The following FGF14 variants were observed in gnomAD, a reference collection of about 807,000 sequenced individuals.
FGF14 encodes fibroblast growth factor homologous factor 4.
A neutral mutation model predicts 25.5 loss-of-function variants in FGF14; 5 were observed. The ratio of observed to expected loss-of-function variants is 0.20; its 90% confidence interval spans 0.10 to 0.41. FGF14 has a LOEUF of 0.41. Among genes scored for constraint, FGF14 ranks in the 10% least tolerant of loss-of-function variants. The pLI is 1.00. For missense variants in FGF14, 222 were observed against 320.1 expected, an observed-to-expected ratio of 0.69 and a Z score of 2.34; for synonymous variants, 138 against 118.3, an observed-to-expected ratio of 1.17 and a Z score of -1.08.
At chr13:102,310,672 T>TCC (rs2055690634) in intron 1 of FGF14, among the ~76,000 whole-genome samples, 1 of 46,870 alleles carries the variant, frequency 2.1e-5, no homozygotes, top group Non-Finnish European at 4.2e-5. Flanking sequence ...TCTCTCTCTC[T>TCC]CTCTCTCTCT....
chr13:102,165,192 T>C (rs944776204), intron 1 of FGF14, among the ~76,000 whole-genome samples: 4 of 151,944 alleles, frequency 2.6e-5, no homozygotes, highest in South Asian at 2.1e-4. Context: ...TGTGGAGAAA[T>C]AGGAACACTT....
intron 1 of FGF14, among the ~76,000 whole-genome samples, chr13:102,330,159 C>T (rs2056589798): frequency 6.6e-6 from 1 of 152,174 alleles, no homozygotes; most frequent in African/African-American, 2.4e-5. Context: ...CTCCAAATTT[C>T]AGCAGAGCCT....
intron 1 of FGF14, among the ~76,000 whole-genome samples, chr13:102,147,706 T>C (rs2046911415): frequency 6.6e-6 from 1 of 152,128 alleles, no homozygotes; most frequent in Non-Finnish European, 1.5e-5. Context: ...AGGAGGTGGA[T>C]GGTCTGCCTG....
At chr13:102,154,839 A>AAC (rs1436473917) in intron 1 of FGF14, among the ~76,000 whole-genome samples, 4 of 152,062 alleles carry the variant, frequency 2.6e-5, no homozygotes, top group Non-Finnish European at 4.4e-5. Flanking sequence ...GCAAATGGAA[A>AAC]AAAAAAAGGC....
intron 1 of FGF14, among the ~76,000 whole-genome samples, chr13:102,388,334 A>G (rs1053709201): frequency 2.0e-5 from 3 of 152,244 alleles, no homozygotes; most frequent in Admixed American, 6.5e-5. Flanking sequence ...CAAATTGTAT[A>G]GAAAGATGTA....
chr13:101,742,769 T>C (rs1038840281), intron 3 of FGF14, among the ~76,000 whole-genome samples: 1 of 152,050 alleles, frequency 6.6e-6, no homozygotes, highest in Non-Finnish European at 1.5e-5. Flanking sequence ...TATTCCTAAA[T>C]AAGATAGTTA....
intron 1 of FGF14, among the ~76,000 whole-genome samples, chr13:102,140,073 TC>T (rs2046584505): frequency 8.1e-6 from 1 of 123,260 alleles, no homozygotes; most frequent in East Asian, 2.8e-4. Context: ...CAGTAAGTCA[TC>T]CGTGTTTGGT....
chr13:101,930,412 A>G (rs1433444877), intron 1 of FGF14, among the ~76,000 whole-genome samples: 2 of 152,214 alleles, frequency 1.3e-5, no homozygotes, highest in Non-Finnish European at 2.9e-5. Flanking sequence ...CATTGTATTT[A>G]TAGCACACTC....
intron 1 of FGF14, among the ~76,000 whole-genome samples, chr13:101,938,580 A>G (rs1363873846): frequency 3.3e-5 from 5 of 152,192 alleles, no homozygotes; most frequent in African/African-American, 1.2e-4. Flanking sequence ...GAAAATTAGT[A>G]TTTATTTTTC....
At chr13:102,039,288 A>T (rs533707485) in intron 1 of FGF14, among the ~76,000 whole-genome samples, 57 of 152,278 alleles carry the variant, frequency 3.7e-4, no homozygotes, top group African/African-American at 1.3e-3. Context: ...ATGGAAAATA[A>T]TTGAGTTTGT....
chr13:102,088,160 C>T (rs1440417147), intron 1 of FGF14, among the ~76,000 whole-genome samples: 3 of 152,140 alleles, frequency 2.0e-5, no homozygotes, highest in African/African-American at 7.2e-5. Flanking sequence ...GTTTCCTGTT[C>T]GGGTTCGTTT....
intron 1 of FGF14, among the ~76,000 whole-genome samples, chr13:102,213,100 C>T (rs2140928351): frequency 6.6e-6 from 1 of 152,300 alleles, no homozygotes; most frequent in East Asian, 1.9e-4. Context: ...CTAAAGCAGC[C>T]TGCTAAGCAG....
chr13:102,205,381 T>G (rs769263251), intron 1 of FGF14, among the ~76,000 whole-genome samples: 5 of 152,278 alleles, frequency 3.3e-5, no homozygotes, highest in Non-Finnish European at 7.4e-5. Flanking sequence ...ATGGTAATTA[T>G]TGCTATTATT....
At position 102,382,762 on chromosome 13, in the gene FGF14, T is replaced by A. The variant is rs377533646; in HGVS notation, c.208+18709A>T. 3.3e-5 allele frequency among the ~76,000 whole-genome samples: 5 copies of A among 152,096 alleles called. No individual in the cohort carries two copies. In the East Asian group the frequency reaches 5.8e-4, roughly 18 times the overall value. On this transcript the variant is annotated intron_variant, in intron 1 of 4. Transcript: ENST00000376131. The stretch of plus-strand genomic sequence containing the variant: ...AGAATGAATTTTAAAAAGGGGTATA[T>A]CCACACAGTGGAATACTATACAATA...
At chr13:101,997,923 G>A (rs2039277239) in intron 1 of FGF14, among the ~76,000 whole-genome samples, 1 of 151,780 alleles carries the variant, frequency 6.6e-6, no homozygotes, top group Non-Finnish European at 1.5e-5. Context: ...TGATGTTATG[G>A]GATACCTATA....
intron 1 of FGF14, among the ~76,000 whole-genome samples, chr13:102,027,486 T>C (rs182499309): frequency 5.4e-4 from 82 of 152,186 alleles, no homozygotes; most frequent in African/African-American, 2.0e-3. Context: ...AAGATAATTC[T>C]AACGATATTT....
At chr13:102,384,516 T>C (rs2058257254) in intron 1 of FGF14, among the ~76,000 whole-genome samples, 1 of 152,210 alleles carries the variant, frequency 6.6e-6, no homozygotes. Context: ...ACCTTGTGCC[T>C]TTCCTACCCG....
chr13:102,020,584 A>AAG lies in FGF14; in HGVS notation c.209-145290_209-145289dup, dbSNP rs1183585459. On this transcript the variant is annotated intron_variant, in intron 1 of 4. Coordinates refer to the FGF14 transcript ENST00000376131. The stretch of plus-strand genomic sequence containing the variant: ...GAGAGAGAGAGAAGGAAGGAAACAA[A>AAG]AGAGAGAGAGAGAAGAGCAGAAATG... 5.3e-5 allele frequency among the ~76,000 whole-genome samples: 8 copies of AAG among 151,696 alleles called. No individual in the cohort carries two copies. In the East Asian group the frequency reaches 1.4e-3, roughly 26 times the overall value.
chr13:102,372,510 C>T (rs998459442), intron 1 of FGF14, among the ~76,000 whole-genome samples: 2 of 152,118 alleles, frequency 1.3e-5, no homozygotes, highest in Non-Finnish European at 2.9e-5. Flanking sequence ...GGCTAGCTTT[C>T]CTGGTTCCCC....
Sources: gnomAD v4.1 joint callset for allele counts (sites outside exome capture counted in the v4.1 genomes callset) on GRCh38, gnomAD v4.1.1 for gene constraint, MANE v1.5 for transcripts, NCBI Gene and HGNC (gene_info 2026-07-23, HGNC 2026-07-21) for gene names.